Variants in LRTM3 observed in about 807,000 individuals in gnomAD.
The protein encoded by LRTM3 is leucine-rich repeat transmembrane protein 3.
the LRTM3 span, chr13:102,740,497 C>T: frequency 1.3e-6 from 2 of 1,550,034 alleles, no homozygotes; most frequent in Non-Finnish European, 1.7e-6. Context: ...CCCAAAAGTT[C>T]TCATAGGAAA....
the LRTM3 span, among the ~76,000 whole-genome samples, chr13:102,755,045 T>C: frequency 6.6e-6 from 1 of 152,134 alleles, no homozygotes; most frequent in Non-Finnish European, 1.5e-5. Context: ...AAACAAACCA[T>C]ACCCCAAAAT....
the LRTM3 span, chr13:102,736,761 T>A: frequency 1.3e-6 from 2 of 1,550,980 alleles, no homozygotes; most frequent in Non-Finnish European, 1.7e-6. Context: ...TCGGGATGCA[T>A]TACACTTTTC....
At chr13:102,735,718 C>G in the LRTM3 span, 1 of 1,550,816 alleles carries the variant, frequency 6.4e-7, no homozygotes, top group Non-Finnish European at 8.7e-7. Flanking sequence ...TGTAACCATG[C>G]AGTGACTCAG....
chr13:102,755,867 A>C, the LRTM3 span, among the ~76,000 whole-genome samples: 3 of 137,426 alleles, frequency 2.2e-5, no homozygotes, highest in Non-Finnish European at 4.8e-5. Flanking sequence ...TCTTTTCCCA[A>C]AAAAAGTTTA....
At chr13:102,742,911 C>T in the LRTM3 span, 19 of 1,550,396 alleles carry the variant, frequency 1.2e-5, no homozygotes, top group African/African-American at 1.2e-4. Context: ...CTCAGTTCTG[C>T]ACAATTATCT....
chr13:102,745,964 T>C, the LRTM3 span: 1 of 1,551,220 alleles, frequency 6.4e-7, no homozygotes, highest in Non-Finnish European at 8.7e-7. Context: ...ATTATCCTTC[T>C]GATATGCATT....
the LRTM3 span, chr13:102,734,781 T>C: frequency 1.3e-6 from 2 of 1,551,176 alleles, no homozygotes; most frequent in South Asian, 2.4e-5. Context: ...GGCAATGAAG[T>C]AGATTTGGTC....
At chr13:102,736,197 G>C in the LRTM3 span, 2 of 1,548,270 alleles carry the variant, frequency 1.3e-6, no homozygotes, top group Non-Finnish European at 1.7e-6. Context: ...TGGTGAGAGA[G>C]AGAAGGCATG....
At chr13:102,737,763 C>T in the LRTM3 span, 1 of 1,550,846 alleles carries the variant, frequency 6.4e-7, no homozygotes, top group Admixed American at 2.0e-5. Flanking sequence ...GCTTTTTTCC[C>T]TGTCTCTGAT....
At chr13:102,758,282 G>T in the LRTM3 span, 3,440 of 610,246 alleles carry the variant, frequency 5.6e-3, 20 homozygotes, top group Middle Eastern at 8.7e-3. Flanking sequence ...GTAAATGTTA[G>T]ATTGAATCAT....
the LRTM3 span, chr13:102,731,745 G>C: frequency 6.4e-7 from 1 of 1,551,294 alleles, no homozygotes; most frequent in South Asian, 1.2e-5. Context: ...GGCGGTATGG[G>C]CACAGTTCCT....
chr13:102,744,318 A>T, the LRTM3 span: 1 of 1,550,450 alleles, frequency 6.4e-7, no homozygotes, highest in Admixed American at 2.0e-5. Flanking sequence ...GAGAAATCTA[A>T]AGGTTTTAAG....
At chr13:102,741,844 G>A in the LRTM3 span, 4 of 1,550,186 alleles carry the variant, frequency 2.6e-6, no homozygotes, top group South Asian at 1.2e-5. Flanking sequence ...TAATTCGTGG[G>A]GCATCGAAAC....
At chr13:102,753,665 C>T in the LRTM3 span, among the ~76,000 whole-genome samples, 1 of 152,094 alleles carries the variant, frequency 6.6e-6, no homozygotes. Flanking sequence ...ATTTGTGATA[C>T]GTTGTTATGG....
the LRTM3 span, chr13:102,739,045 T>C: frequency 6.4e-7 from 1 of 1,550,532 alleles, no homozygotes; most frequent in African/African-American, 1.4e-5. Flanking sequence ...GTGTTGATGA[T>C]GAAAGACAGA....
At chr13:102,758,568 G>A in the LRTM3 span, 9 of 1,546,862 alleles carry the variant, frequency 5.8e-6, no homozygotes, top group Non-Finnish European at 7.9e-6. Flanking sequence ...TGGGGCAACT[G>A]TCTTCCGTCT....
the LRTM3 span, chr13:102,739,115 G>T: frequency 6.5e-7 from 1 of 1,550,192 alleles, no homozygotes; most frequent in African/African-American, 1.4e-5. Context: ...CAAGTGAGGT[G>T]GAGAAAGAAT....
chr13:102,735,049 A>G, the LRTM3 span: 5 of 1,551,244 alleles, frequency 3.2e-6, no homozygotes, highest in Non-Finnish European at 4.4e-6. Flanking sequence ...GAAACCCTGT[A>G]TTCACATTAA....
chr13:102,737,029 A>C, the LRTM3 span: 3 of 1,550,930 alleles, frequency 1.9e-6, no homozygotes, highest in African/African-American at 2.7e-5. Context: ...TTTCCTGTAC[A>C]TGTCTCAATT....
Sources: gnomAD v4.1 joint callset for allele counts (sites outside exome capture counted in the v4.1 genomes callset) on GRCh38, gnomAD v4.1.1 for gene constraint, MANE v1.5 for transcripts, NCBI Gene and HGNC (gene_info 2026-07-23, HGNC 2026-07-21) for gene names.